Variants in ZDHHC8 observed in about 807,000 individuals in gnomAD.
ZDHHC8 encodes the protein zDHHC palmitoyltransferase 8.
ZDHHC8 carries 24 observed loss-of-function variants against 61.2 expected under a neutral mutation model. The observed-to-expected ratio is 0.39, with a 90% confidence interval of 0.28 to 0.55. ZDHHC8 has a LOEUF of 0.55. Ranked by LOEUF, ZDHHC8 falls within the 20% of genes least tolerant of loss-of-function variation. The pLI is 0.60. For missense variants in ZDHHC8, 935 were observed against 1,102.1 expected (o/e 0.85, Z 2.15); for synonymous variants, 523 against 492.5 (o/e 1.06, Z -0.82).
intron 10 of ZDHHC8, among the ~76,000 whole-genome samples, chr22:20,144,496 G>A (rs192879191): frequency 1.3e-5 from 2 of 152,362 alleles, no homozygotes; most frequent in African/African-American, 4.8e-5. Flanking sequence ...AAGCACAGGC[G>A]CAGTTGTTTC....
rs753871471 is a variant in ZDHHC8 at position 20,142,852 on chromosome 22, G to A, written c.1222G>A (p.Gly408Arg). ...PSLDLPDYGP[G>R]GLHAAYPPSP... ...CCTGGACCTCCCTGACTATGGGCCA[G>A]GGGGCCTGCATGCAGCCTACCCGCC... Residue 408 changes from glycine (G) to arginine (R), a missense_variant, in exon 10 of 11, where the codon GGG becomes AGG. Transcript: ENST00000334554. The A allele has an allele frequency of 6.2e-7, 1 of 1,612,488 alleles. No homozygotes were observed. The highest frequency in any genetic ancestry group is 8.5e-7 in the Non-Finnish European group (1 of 1,179,896).
Position 20,146,883 on chromosome 22 carries a change from G to A in ZDHHC8, c.*1483G>A. On this transcript the variant is annotated 3_prime_UTR_variant, in exon 11 of 11. Transcript: ENST00000334554. Reference sequence around the variant, plus strand: ...ACATGCCAGGGGCAGGGCTGAGGGAGTGTGAGGGATGCACAGCTGTTCAGG... The same window carrying A: ...ACATGCCAGGGGCAGGGCTGAGGGAATGTGAGGGATGCACAGCTGTTCAGG... 1 of 1,291,018 alleles carries A rather than the reference G, an allele frequency of 7.7e-7. No individual in the cohort carries two copies. Among genetic ancestry groups the A allele is most frequent in the Admixed American group, 4.1e-5 (1 of 24,258 alleles). The allele number at this position is 1,291,018 out of a possible 1,614,324, so 80.0% of individuals were successfully genotyped here. A position where few individuals can be genotyped will look rare whatever the true frequency, so the allele number is the denominator to read the frequency against.
chr22:20,135,404 A>C (rs1428283704), intron 1 of ZDHHC8, among the ~76,000 whole-genome samples: 8 of 152,186 alleles, frequency 5.3e-5, no homozygotes, highest in Non-Finnish European at 5.9e-5. Flanking sequence ...ACATTGCAGA[A>C]TGACAGGGAC....
At chr22:20,135,673 A>G (rs2148003168) in intron 1 of ZDHHC8, among the ~76,000 whole-genome samples, 1 of 152,356 alleles carries the variant, frequency 6.6e-6, no homozygotes, top group East Asian at 1.9e-4. Flanking sequence ...GTGAAAACTC[A>G]GTGTGAGCCC....
At chr22:20,132,408 C>T (rs1449968424) in intron 1 of ZDHHC8, among the ~76,000 whole-genome samples, 2 of 152,182 alleles carry the variant, frequency 1.3e-5, no homozygotes, top group African/African-American at 4.8e-5. Flanking sequence ...CCCGAGGGGA[C>T]GTGGGCCACC....
In ZDHHC8 at chr22:20,142,856, G is replaced by C; in HGVS notation, c.1226G>C (p.Gly409Ala). ...SLDLPDYGPG[G>A]LHAAYPPSPP... ...GACCTCCCTGACTATGGGCCAGGGG[G>C]CCTGCATGCAGCCTACCCGCCATCC... The change falls in exon 10 of 11, where the codon GGC (glycine) becomes GCC (alanine). Residue 409 changes from glycine to alanine, a missense_variant. This residue lies in a region of ZDHHC8 where 692 missense variants were observed against 731.4 expected (regional missense o/e 0.95). Transcript: ENST00000334554. 6.2e-7 allele frequency: 1 copy of C among 1,612,464 alleles called. No individual in the cohort carries two copies. The highest frequency in any genetic ancestry group is 1.1e-5 in the South Asian group (1 of 91,056).
intron 1 of ZDHHC8, 92 bp from the exon 2 acceptor site, chr22:20,139,102 T>C (rs922086433): frequency 6.6e-7 from 1 of 1,513,026 alleles, no homozygotes; most frequent in Middle Eastern, 1.8e-4. Flanking sequence ...GAGGGTGACC[T>C]TGCAGGCCCA....
rs140210265 is a variant in ZDHHC8, at chr22:20,145,577, G to A, written c.*177G>A. On this transcript the variant is annotated 3_prime_UTR_variant, in exon 11 of 11. Transcript: ENST00000334554. ...CTTGCCCCAAGCGCTCTGCCTGCCC[G>A]TCCACTCATCTGCCCATGGGGAAGT... 7.4e-4 allele frequency: 938 copies of A among 1,269,856 alleles called. 1 individual carries two copies. Among genetic ancestry groups the A allele is most frequent in the Non-Finnish European group, 8.6e-4 (868 of 1,006,996 alleles). The allele number at this position is 1,269,856 out of a possible 1,614,324, so 78.7% of individuals were successfully genotyped here. A position where few individuals can be genotyped will look rare whatever the true frequency, so the allele number is the denominator to read the frequency against.
chr22:20,143,840 A>G, intron 10 of ZDHHC8, 84 bp downstream of exon 10: 3 of 1,455,730 alleles, frequency 2.1e-6, no homozygotes, highest in African/African-American at 1.4e-5. Context: ...CTGGGCACTC[A>G]TAGGTCATCC....
At chr22:20,144,595 A>G (rs2050505187) in intron 10 of ZDHHC8, among the ~76,000 whole-genome samples, 1 of 152,236 alleles carries the variant, frequency 6.6e-6, no homozygotes, top group Non-Finnish European at 1.5e-5. Context: ...ACAGCAGTCC[A>G]GCCCTGAGCG....
At position 20,142,765 on chromosome 22, in the gene ZDHHC8, C is replaced by T. The variant is rs764291330; in HGVS notation, c.1135C>T (p.Pro379Ser). The change falls in exon 10 of 11, where the codon CCT becomes TCT. Residue 379 changes from proline to serine, a missense_variant. Physicochemically the swap from Pro to Ser is moderately conservative, Grantham distance 74. Transcript: ENST00000334554. ...TGCCTTCTCCCTACAGGTTCCAGGC[C>T]CTGATTCCCTGACCCTGGGGGACGA... ...FCGPGEQVPG[P>S]DSLTLGDDSI... 5.6e-6 allele frequency: 9 copies of T among 1,612,490 alleles called. No individual in the cohort carries two copies. In the South Asian group the frequency reaches 6.6e-5, roughly 12 times the overall value.
At chr22:20,144,868 G>A (rs1252392841) in intron 10 of ZDHHC8, among the ~76,000 whole-genome samples, 1 of 152,250 alleles carries the variant, frequency 6.6e-6, no homozygotes, top group East Asian at 1.9e-4. Context: ...GCCAGGCAGA[G>A]TGGCTGGGCT....
chr22:20,135,358 A>G (rs1052183037), intron 1 of ZDHHC8, among the ~76,000 whole-genome samples: 2 of 152,152 alleles, frequency 1.3e-5, no homozygotes, highest in East Asian at 1.9e-4. Flanking sequence ...CCCCTAGGCC[A>G]GGCTCCCGAC....
intron 1 of ZDHHC8, among the ~76,000 whole-genome samples, chr22:20,136,036 G>C (rs755828278): frequency 1.3e-5 from 2 of 152,282 alleles, no homozygotes; most frequent in Non-Finnish European, 2.9e-5. Flanking sequence ...GCCTCAGCCC[G>C]GGTGGGGCCT....
At chr22:20,144,630 G>T (rs2050505539) in intron 10 of ZDHHC8, among the ~76,000 whole-genome samples, 1 of 152,234 alleles carries the variant, frequency 6.6e-6, no homozygotes, top group Non-Finnish European at 1.5e-5. Flanking sequence ...CACAGGGTGG[G>T]ACCTGTTCAG....
chr22:20,144,561 C>G lies in ZDHHC8; in HGVS notation c.2127-668C>G, dbSNP rs567223577. Among the ~76,000 whole-genome samples, 15 of 152,350 alleles carry G rather than the reference C, an allele frequency of 9.8e-5. No individual in the cohort carries two copies. The South Asian group carries it at 2.9e-3, about 29-fold the overall frequency. On this transcript the variant is annotated intron_variant, in intron 10 of 10. Coordinates refer to ENST00000334554, the MANE Select transcript of ZDHHC8 (RefSeq NM_013373.4). The stretch of plus-strand genomic sequence containing the variant: ...GCCCAGCCCAGCCCAGCCCAGGCCA[C>G]TTGGCCACAAAGGGGCTGAGGGCAC...
intron 1 of ZDHHC8, among the ~76,000 whole-genome samples, chr22:20,137,625 CTA>C (rs2050432744): frequency 6.6e-6 from 1 of 152,250 alleles, no homozygotes; most frequent in African/African-American, 2.4e-5. Flanking sequence ...TTTGCACAGA[CTA>C]TGTAGCCAGC....
At chr22:20,138,927 C>T (rs2050443527) in intron 1 of ZDHHC8, among the ~76,000 whole-genome samples, 1 of 152,058 alleles carries the variant, frequency 6.6e-6, no homozygotes, top group Non-Finnish European at 1.5e-5. Context: ...GACCTTAGGT[C>T]TGTGGGCCTC....
In ZDHHC8 at chr22:20,131,921, G is replaced by A. The variant is rs2050377179; in HGVS notation, c.-27G>A. 1 of 1,085,078 alleles carries A rather than the reference G, an allele frequency of 9.2e-7. No individual in the cohort carries two copies. The highest frequency in any genetic ancestry group is 7.2e-5 in the East Asian group (1 of 13,956). The allele number at this position is 1,085,078 out of a possible 1,614,324, so 67.2% of individuals were successfully genotyped here. On this transcript the variant is annotated 5_prime_UTR_variant, in exon 1 of 11. Transcript: ENST00000334554. ...CCGGCCCTGCCCGCCCGGCCCCGGG[G>A]AGGGATGCGGCGGCGCGGCGCCCAG...
Sources: allele counts gnomAD v4.1 joint callset (sites outside exome capture counted in the v4.1 genomes callset), GRCh38; gene constraint gnomAD v4.1.1; regional missense constraint gnomAD v4.1.1; transcripts MANE v1.5; gene names NCBI Gene and HGNC (gene_info 2026-07-23, HGNC 2026-07-21).